The following EHBP1 variants were observed in gnomAD, a reference collection of about 807,000 sequenced individuals.
EHBP1 encodes the protein EH domain binding protein 1.
In EHBP1, 55 loss-of-function variants were observed where a neutral mutation model predicts 144.0. That is an observed-to-expected ratio of 0.38 (90% CI 0.31 to 0.48). The LOEUF is 0.48. Among genes scored for constraint, EHBP1 ranks in the 20% least tolerant of loss-of-function variants. The probability of loss-of-function intolerance (pLI) is 0.98; values close to 1 mark genes in which losing one functional copy is unlikely to be tolerated. For missense variants in EHBP1, 1,200 were observed against 1,364.2 expected (o/e 0.88, Z 1.90); for synonymous variants, 469 against 472.7 (o/e 0.99, Z 0.10).
chr2:62,843,418 A>G (rs2048061677), intron 7 of EHBP1, among the ~76,000 whole-genome samples: 1 of 152,172 alleles, frequency 6.6e-6, no homozygotes, highest in Non-Finnish European at 1.5e-5. Flanking sequence ...TAGTTTTCTA[A>G]AAGGAATGAA....
At chr2:62,752,613 T>G (rs985631568) in intron 3 of EHBP1, among the ~76,000 whole-genome samples, 2 of 152,196 alleles carry the variant, frequency 1.3e-5, no homozygotes, top group African/African-American at 4.8e-5. Flanking sequence ...TGTGGGAGTC[T>G]AAGTCTCTTT....
intron 19 of EHBP1, among the ~76,000 whole-genome samples, chr2:63,013,403 GA>G (rs942673590): frequency 2.6e-5 from 4 of 152,206 alleles, no homozygotes; most frequent in African/African-American, 9.6e-5. Context: ...TATAAAGAGT[GA>G]AAAAAACTTT....
At chr2:62,703,789 C>T, upstream of EHBP1, among the ~76,000 whole-genome samples, 1 of 152,122 alleles carries the variant, frequency 6.6e-6, no homozygotes, top group East Asian at 1.9e-4. Context: ...AAACTTATTA[C>T]TTTTAAGGGA....
intron 3 of EHBP1, among the ~76,000 whole-genome samples, chr2:62,748,020 TACTC>T (rs2039320720): frequency 6.6e-6 from 1 of 152,094 alleles, no homozygotes; most frequent in African/African-American, 2.4e-5. Context: ...CTTTATTTAT[TACTC>T]AGTCTGCGGC....
chr2:62,708,559 A>G (rs769788959), intron 2 of EHBP1, among the ~76,000 whole-genome samples: 9 of 152,228 alleles, frequency 5.9e-5, no homozygotes, highest in Non-Finnish European at 1.2e-4. Flanking sequence ...GTGCCACTTC[A>G]TGGGGAGGGT....
At chr2:62,763,256 C>T (rs1347146723) in intron 3 of EHBP1, among the ~76,000 whole-genome samples, 1 of 152,070 alleles carries the variant, frequency 6.6e-6, no homozygotes, top group African/African-American at 2.4e-5. Flanking sequence ...CTCTACCTAA[C>T]ATATTATATA....
intron 19 of EHBP1, among the ~76,000 whole-genome samples, chr2:63,024,269 G>T (rs1207196120): frequency 6.6e-6 from 1 of 152,156 alleles, no homozygotes; most frequent in Non-Finnish European, 1.5e-5. Flanking sequence ...ACTTGAACTC[G>T]GGAGGTGGAG....
At chr2:62,979,440 A>C (rs1188518599) in intron 15 of EHBP1, 105 bp downstream of exon 15, 1 of 1,258,166 alleles carries the variant, frequency 7.9e-7, no homozygotes, top group Non-Finnish European at 1.1e-6. Flanking sequence ...AAAAATATAA[A>C]GCTTCTAACC....
At chr2:62,800,979 A>T (rs1253356054) in intron 5 of EHBP1, among the ~76,000 whole-genome samples, 9 of 152,218 alleles carry the variant, frequency 5.9e-5, no homozygotes, top group Non-Finnish European at 8.8e-5. Context: ...TAGTTACAGG[A>T]CTATTAAGGA....
At chr2:62,815,125 A>G (rs978807051) in intron 5 of EHBP1, among the ~76,000 whole-genome samples, 3 of 152,206 alleles carry the variant, frequency 2.0e-5, no homozygotes, top group African/African-American at 4.8e-5. Flanking sequence ...CCTATGATTT[A>G]CTGCTTTTAC....
chr2:62,833,097 G>C (rs531401552), intron 7 of EHBP1, among the ~76,000 whole-genome samples: 135 of 152,238 alleles, frequency 8.9e-4, no homozygotes, highest in African/African-American at 3.1e-3. Flanking sequence ...AAGCTTTAAT[G>C]GTCTGGATAG....
chr2:63,039,086 AAGG>A (rs2061558998), intron 21 of EHBP1, among the ~76,000 whole-genome samples: 1 of 152,196 alleles, frequency 6.6e-6, no homozygotes. Context: ...TGGAAAATAA[AAGG>A]AGTTGATTGA....
intron 1 of EHBP1, among the ~76,000 whole-genome samples, chr2:62,690,566 T>G (rs1040664325): frequency 4.0e-5 from 6 of 151,868 alleles, no homozygotes; most frequent in East Asian, 1.9e-4. Context: ...CCATCTCAAA[T>G]AAATAAATTA....
intron 10 of EHBP1, among the ~76,000 whole-genome samples, chr2:62,903,567 A>G (rs1032973177): frequency 6.6e-6 from 1 of 152,156 alleles, no homozygotes; most frequent in Admixed American, 6.5e-5. Context: ...TTTTGACTCC[A>G]CCTTGGGCAA....
chr2:62,913,461 A>T (rs2054374852), intron 10 of EHBP1, among the ~76,000 whole-genome samples: 1 of 152,214 alleles, frequency 6.6e-6, no homozygotes, highest in African/African-American at 2.4e-5. Context: ...TTAATGTTTT[A>T]CATCCCCCAA....
intron 21 of EHBP1, among the ~76,000 whole-genome samples, chr2:63,041,734 C>T (rs2061667265): frequency 6.6e-6 from 1 of 152,118 alleles, no homozygotes. Context: ...CAAACTCTTT[C>T]AGGATTGCTA....
At chr2:62,746,434 A>T (rs2039161921) in intron 2 of EHBP1, among the ~76,000 whole-genome samples, 1 of 152,072 alleles carries the variant, frequency 6.6e-6, no homozygotes, top group Admixed American at 6.6e-5. Context: ...AGGAAAGGTT[A>T]TCTGCTGAAA....
chr2:62,749,677 A>G (rs1573110496), intron 3 of EHBP1, among the ~76,000 whole-genome samples: 1 of 152,258 alleles, frequency 6.6e-6, no homozygotes, highest in East Asian at 1.9e-4. Context: ...TTGCCATTCT[A>G]ACTGGTGTGA....
intron 2 of EHBP1, among the ~76,000 whole-genome samples, chr2:62,741,928 TCAA>T (rs2038746739): frequency 6.6e-6 from 1 of 152,208 alleles, no homozygotes. Flanking sequence ...AATGTTTTGG[TCAA>T]CAACAGACCA....
Sources: allele counts gnomAD v4.1 joint callset (sites outside exome capture counted in the v4.1 genomes callset), GRCh38; gene constraint gnomAD v4.1.1; transcripts MANE v1.5; gene names NCBI Gene and HGNC (gene_info 2026-07-23, HGNC 2026-07-21).